ASB15: variants seen among roughly 807,000 people sequenced by gnomAD.
The protein encoded by ASB15 is ankyrin repeat and SOCS box protein 15.
Under a neutral mutation model 58.0 loss-of-function variants are expected in ASB15, and 54 were observed. That is an observed-to-expected ratio of 0.93 (90% CI 0.75 to 1.17). ASB15 has a LOEUF of 1.17. ASB15 is among the 50% of genes most tolerant of loss of function. ASB15 has a pLI of 0.00. For synonymous variants in ASB15, 249 were observed against 262.4 expected, an observed-to-expected ratio of 0.95 and a Z score of 0.50; for missense variants, 680 against 707.4, an observed-to-expected ratio of 0.96 and a Z score of 0.44.
intron 1 of ASB15, among the ~76,000 whole-genome samples, chr7:123,587,570 C>G (rs951584192): frequency 6.6e-6 from 1 of 151,454 alleles, no homozygotes; most frequent in African/African-American, 2.4e-5. Flanking sequence ...GTGAGAACCT[C>G]CAGTACTATA....
intron 1 of ASB15, among the ~76,000 whole-genome samples, chr7:123,580,458 G>C (rs1211701946): frequency 6.6e-6 from 1 of 151,998 alleles, no homozygotes; most frequent in Non-Finnish European, 1.5e-5. Flanking sequence ...GCTCAGGGTA[G>C]TTATGTGGCC....
chr7:123,632,774 C>T (rs1802190614), intron 11 of ASB15, among the ~76,000 whole-genome samples: 1 of 151,522 alleles, frequency 6.6e-6, no homozygotes. Flanking sequence ...ATAAGAAATA[C>T]AAAAAACTAA....
chr7:123,632,044 C>T (rs1289956455), intron 11 of ASB15, among the ~76,000 whole-genome samples: 2 of 151,996 alleles, frequency 1.3e-5, no homozygotes, highest in Admixed American at 1.3e-4. Context: ...CCCCACTGCA[C>T]TCCAGCCTGG....
intron 6 of ASB15, 53 bp downstream of exon 6, chr7:123,616,548 T>C (rs1475145178): frequency 1.3e-6 from 2 of 1,548,128 alleles, no homozygotes; most frequent in South Asian, 1.2e-5. Context: ...TGTTGATATG[T>C]TGATGTTATA....
At chr7:123,612,451 G>C (rs1277829269) in intron 3 of ASB15, 1 of 152,136 alleles carries the variant, frequency 6.6e-6, no homozygotes, top group Non-Finnish European at 1.5e-5. Flanking sequence ...TATAAACCCA[G>C]ACATTGGAAA....
At chr7:123,570,092 T>G (rs1370334639) in intron 1 of ASB15, among the ~76,000 whole-genome samples, 1 of 141,256 alleles carries the variant, frequency 7.1e-6, no homozygotes, top group Non-Finnish European at 1.5e-5. Context: ...TGGCTTGCAG[T>G]GGCACGATCT....
chr7:123,602,051 G>T (rs1460576553), intron 1 of ASB15, 137 bp downstream of exon 1: 1 of 152,084 alleles, frequency 6.6e-6, no homozygotes, highest in Non-Finnish European at 1.5e-5. Flanking sequence ...TCACCTACGG[G>T]CTTACCTGTT....
At chr7:123,612,112 A>G (rs990800439) in intron 3 of ASB15, among the ~76,000 whole-genome samples, 1 of 152,206 alleles carries the variant, frequency 6.6e-6, no homozygotes, top group Non-Finnish European at 1.5e-5. Flanking sequence ...AAGGCTCTGT[A>G]TCCTATTACT....
At chr7:123,582,854 G>C (rs1267861332) in intron 1 of ASB15, among the ~76,000 whole-genome samples, 1 of 151,700 alleles carries the variant, frequency 6.6e-6, no homozygotes, top group Non-Finnish European at 1.5e-5. Context: ...ATACATACTT[G>C]GCAAATAAAT....
Position 123,637,021 on chromosome 7 carries a change from T to C in ASB15, c.*40T>C, listed in dbSNP as rs188507936. The C allele has an allele frequency of 8.2e-6, 11 of 1,344,314 alleles. No individual in the cohort carries two copies. The highest frequency in any genetic ancestry group is 4.4e-5 in the African/African-American group (3 of 67,532). 83.3% of individuals were successfully genotyped at this position (1,344,314 alleles called of 1,614,324 possible). The stretch of plus-strand genomic sequence containing the variant: ...ATGTGATTTAAAAAAAATGTTGAAA[T>C]GTGATTCCCTCAGATAATTTCTTGT... On this transcript the variant is annotated 3_prime_UTR_variant, in exon 12 of 12. Coordinates refer to ENST00000451215, the MANE Select transcript of ASB15 (RefSeq NM_001290258.2).
At chr7:123,589,764 G>A (rs906217614) in intron 1 of ASB15, among the ~76,000 whole-genome samples, 1 of 152,018 alleles carries the variant, frequency 6.6e-6, no homozygotes, top group Middle Eastern at 3.2e-3. Context: ...ATTGTGAAGA[G>A]GGCCACAATA....
At chr7:123,605,961 T>C (rs534575864) in intron 2 of ASB15, among the ~76,000 whole-genome samples, 1 of 152,226 alleles carries the variant, frequency 6.6e-6, no homozygotes, top group East Asian at 1.9e-4. Flanking sequence ...AATTTACCTA[T>C]ATAACAAACG....
At chr7:123,613,637 A>G (rs886813159) in intron 3 of ASB15, among the ~76,000 whole-genome samples, 9 of 152,126 alleles carry the variant, frequency 5.9e-5, no homozygotes, top group African/African-American at 1.7e-4. Context: ...TGGGGACTCT[A>G]TAGGAGGGCT....
At chr7:123,576,622 G>T (rs553837954) in intron 1 of ASB15, among the ~76,000 whole-genome samples, 3 of 152,060 alleles carry the variant, frequency 2.0e-5, no homozygotes, top group East Asian at 3.9e-4. Flanking sequence ...CCACATCCTC[G>T]GCTTCTCTGA....
rs780507846 is a variant in ASB15 at position 123,624,544 on chromosome 7, G to A, written c.452-25G>A. ...AGGTATTTGTGTTAATATACTTACTGTTGTTTTTAACAATCATTTTCAAGC... is the reference window on the plus strand; with the variant it reads ...AGGTATTTGTGTTAATATACTTACTATTGTTTTTAACAATCATTTTCAAGC... On this transcript the variant is annotated intron_variant, in intron 7 of 11. Transcript: ENST00000451215. 4.4e-6 allele frequency: 7 copies of A among 1,597,528 alleles called. No individual in the cohort carries two copies. The South Asian group carries it at 7.7e-5, about 18-fold the overall frequency.
At chr7:123,633,756 C>T (rs564828448) in intron 11 of ASB15, among the ~76,000 whole-genome samples, 79 of 152,168 alleles carry the variant, frequency 5.2e-4, no homozygotes, top group South Asian at 2.1e-3. Context: ...CAAAAGAAAC[C>T]AGGGTTTTTG....
At chr7:123,572,355 G>A (rs911121380) in intron 1 of ASB15, among the ~76,000 whole-genome samples, 2 of 151,266 alleles carry the variant, frequency 1.3e-5, no homozygotes, top group African/African-American at 4.9e-5. Flanking sequence ...TGGCCAGGAC[G>A]GTCTCGATCT....
chr7:123,614,109 C>T (rs1446712192), intron 3 of ASB15: 1 of 168,400 alleles, frequency 5.9e-6, no homozygotes, highest in African/African-American at 2.4e-5. Flanking sequence ...ATCTTACCCT[C>T]ATTGGATCAA....
chr7:123,630,312 T>C (rs999928086), intron 11 of ASB15, among the ~76,000 whole-genome samples, 193 bp downstream of exon 11: 4 of 152,222 alleles, frequency 2.6e-5, no homozygotes, highest in Admixed American at 1.3e-4. Flanking sequence ...TTTCCAGCTT[T>C]GTAATTGTAT....
Sources: allele counts gnomAD v4.1 joint callset (sites outside exome capture counted in the v4.1 genomes callset), GRCh38; gene constraint gnomAD v4.1.1; transcripts MANE v1.5; gene names NCBI Gene and HGNC (gene_info 2026-07-23, HGNC 2026-07-21).